The following UBXN2A variants were observed in gnomAD, a reference collection of about 807,000 sequenced individuals.
UBXN2A encodes the protein UBX domain protein 2A, also known as UBX domain-containing protein 2A.
Under a neutral mutation model 28.4 loss-of-function variants are expected in UBXN2A, and 28 were observed. The ratio of observed to expected loss-of-function variants is 0.99; its 90% confidence interval spans 0.73 to 1.35. UBXN2A has a LOEUF of 1.35. Among genes scored for constraint, UBXN2A ranks in the 40% most tolerant of loss-of-function variants. The pLI is 0.00. For missense variants in UBXN2A, 253 were observed against 297.9 expected (o/e 0.85, Z 1.11); for synonymous variants, 97 against 103.6 (o/e 0.94, Z 0.39).
intron 6 of UBXN2A, among the ~76,000 whole-genome samples, chr2:23,991,495 GTC>G (rs1464636257): frequency 6.6e-6 from 1 of 151,814 alleles, no homozygotes; most frequent in African/African-American, 2.4e-5. Context: ...TTGAGATGGA[GTC>G]TCTCTCTGTT....
intron 1 of UBXN2A, chr2:23,943,990 C>T (rs1280955711): frequency 2.1e-6 from 1 of 482,808 alleles, no homozygotes; most frequent in East Asian, 4.5e-5. Flanking sequence ...AACACAGGTT[C>T]AAACCGTCCC....
At chr2:23,961,655 C>T (rs1318925210) in intron 2 of UBXN2A, among the ~76,000 whole-genome samples, 1 of 134,422 alleles carries the variant, frequency 7.4e-6, no homozygotes, top group Admixed American at 9.0e-5. Flanking sequence ...TCAAGTGATT[C>T]TCCTGCCTCA....
chr2:23,932,412 C>T (rs1025126958), intron 1 of UBXN2A, among the ~76,000 whole-genome samples: 2 of 151,918 alleles, frequency 1.3e-5, no homozygotes, highest in Non-Finnish European at 1.5e-5. Flanking sequence ...AAACATCCCG[C>T]AAAATCCTGC....
At chr2:23,973,380 C>T (rs940214559) in intron 3 of UBXN2A, among the ~76,000 whole-genome samples, 11 of 151,206 alleles carry the variant, frequency 7.3e-5, no homozygotes, top group African/African-American at 2.4e-4. Context: ...GCTGTGTCGC[C>T]CAGGCTGGAG....
At chr2:23,975,920 CT>C (rs1328689948) in intron 3 of UBXN2A, among the ~76,000 whole-genome samples, 4 of 152,242 alleles carry the variant, frequency 2.6e-5, no homozygotes, top group Non-Finnish European at 5.9e-5. Flanking sequence ...GCCACCACAT[CT>C]GGCCACATCT....
chr2:23,946,997 C>T (rs1182574881), intron 1 of UBXN2A, among the ~76,000 whole-genome samples: 3 of 151,554 alleles, frequency 2.0e-5, no homozygotes, highest in East Asian at 1.9e-4. Context: ...AAGCAACTCT[C>T]CTGCCTCAGC....
intron 3 of UBXN2A, among the ~76,000 whole-genome samples, chr2:23,974,181 AT>A (rs990879852): frequency 2.1e-5 from 3 of 144,814 alleles, no homozygotes; most frequent in African/African-American, 5.1e-5. Flanking sequence ...CACCTGGCTA[AT>A]TTTTTTTTGT....
At chr2:23,948,944 G>A (rs1706224987) in intron 1 of UBXN2A, among the ~76,000 whole-genome samples, 1 of 137,182 alleles carries the variant, frequency 7.3e-6, no homozygotes, top group South Asian at 2.4e-4. Context: ...TTCTCTTGTA[G>A]CTTTTTTTTT....
In UBXN2A at chr2:24,000,150, C is replaced by G. The variant is rs1385465692; in HGVS notation, c.*283C>G. On this transcript the variant is annotated 3_prime_UTR_variant, in exon 7 of 7. Coordinates refer to ENST00000309033, the MANE Select transcript of UBXN2A (RefSeq NM_181713.4). ...ATTAAATAGCTGTATTGTTTAGAAT[C>G]TTAATATGGTATAAATTAGCATATG... 3.0e-6 allele frequency: 1 copy of G among 338,280 alleles called. No individual in the cohort carries two copies. The highest frequency in any genetic ancestry group is 5.3e-6 in the Non-Finnish European group (1 of 186,950). 21.0% of individuals were successfully genotyped at this position (338,280 alleles called of 1,614,324 possible).
At chr2:23,941,992 A>C (rs899681264) in intron 1 of UBXN2A, among the ~76,000 whole-genome samples, 1 of 152,162 alleles carries the variant, frequency 6.6e-6, no homozygotes, top group African/African-American at 2.4e-5. Flanking sequence ...GCAGGAGAAT[A>C]GCTTGAGCCG....
chr2:23,968,195 G>A (rs1707253428), intron 2 of UBXN2A, among the ~76,000 whole-genome samples: 1 of 152,100 alleles, frequency 6.6e-6, no homozygotes, highest in African/African-American at 2.4e-5. Flanking sequence ...GTAGCTTTGT[G>A]GTCTCTGGCA....
intron 1 of UBXN2A, chr2:23,944,129 A>G: frequency 1.2e-6 from 1 of 844,136 alleles, no homozygotes; most frequent in South Asian, 1.3e-5. Context: ...CTCCCAGGAA[A>G]GTTTAAGTCT....
chr2:23,930,685 A>G (rs1050431718), intron 1 of UBXN2A, among the ~76,000 whole-genome samples: 15 of 152,172 alleles, frequency 9.9e-5, no homozygotes, highest in African/African-American at 3.6e-4. Context: ...TCACATAGTG[A>G]CACCCCATCT....
At chr2:23,966,529 T>C (rs975001154) in intron 2 of UBXN2A, among the ~76,000 whole-genome samples, 3 of 150,466 alleles carry the variant, frequency 2.0e-5, no homozygotes, top group Non-Finnish European at 4.4e-5. Flanking sequence ...CTCAGCTCAC[T>C]GCAAGCTCTG....
chr2:23,931,926 A>C (rs1220764824), intron 1 of UBXN2A, among the ~76,000 whole-genome samples: 3 of 151,708 alleles, frequency 2.0e-5, no homozygotes, highest in Non-Finnish European at 4.4e-5. Flanking sequence ...CAGGAGAATC[A>C]CTTGAACCCA....
At chr2:23,949,237 C>T (rs1421912746) in intron 1 of UBXN2A, among the ~76,000 whole-genome samples, 1 of 149,882 alleles carries the variant, frequency 6.7e-6, no homozygotes, top group Non-Finnish European at 1.5e-5. Flanking sequence ...GCCGGGATTA[C>T]AGGCATGAGC....
chr2:23,969,861 G>A (rs1254546269), intron 2 of UBXN2A, among the ~76,000 whole-genome samples: 1 of 152,078 alleles, frequency 6.6e-6, no homozygotes, highest in Non-Finnish European at 1.5e-5. Context: ...GTTTTCAGTG[G>A]GAAATATTCT....
At chr2:23,941,692 T>G (rs1231573240) in intron 1 of UBXN2A, among the ~76,000 whole-genome samples, 1 of 152,218 alleles carries the variant, frequency 6.6e-6, no homozygotes, top group Non-Finnish European at 1.5e-5. Flanking sequence ...TAGTACCTAC[T>G]GTGTACTGAA....
intron 1 of UBXN2A, among the ~76,000 whole-genome samples, chr2:23,943,016 T>C (rs897880224): frequency 7.3e-5 from 11 of 151,440 alleles, no homozygotes; most frequent in African/African-American, 9.7e-5. Context: ...AGTGCTGTGG[T>C]GCAATCTCCG....
Sources: allele counts gnomAD v4.1 joint callset (sites outside exome capture counted in the v4.1 genomes callset), GRCh38; gene constraint gnomAD v4.1.1; transcripts MANE v1.5; gene names NCBI Gene and HGNC (gene_info 2026-07-23, HGNC 2026-07-21).